The following TTC29 variants were observed in gnomAD, a reference collection of about 807,000 sequenced individuals.
TTC29 encodes the protein tetratricopeptide repeat domain 29, also known as tetratricopeptide repeat protein 29.
Under a neutral mutation model 58.1 loss-of-function variants are expected in TTC29, and 49 were observed. The ratio of observed to expected loss-of-function variants is 0.84; its 90% CI spans 0.67 to 1.07. The LOEUF is 1.07. Among genes scored for constraint, TTC29 ranks in the 50% least tolerant of loss-of-function variants. The pLI, the probability that TTC29 is intolerant of heterozygous loss-of-function variation, is 0.00. For missense variants in TTC29, 582 were observed against 555.6 expected (o/e 1.05, Z -0.48); for synonymous variants, 209 against 196.8 (o/e 1.06, Z -0.52).
chr4:146,788,940 G>A (rs114769269), intron 11 of TTC29, among the ~76,000 whole-genome samples: 2,087 of 152,180 alleles, frequency 0.014, 22 homozygotes, highest in Middle Eastern at 0.034. Flanking sequence ...AGAGTTTGAG[G>A]AACTTTTGAA....
chr4:146,849,994 C>T (rs1043108276), intron 8 of TTC29, among the ~76,000 whole-genome samples: 1 of 152,164 alleles, frequency 6.6e-6, no homozygotes, highest in Non-Finnish European at 1.5e-5. Context: ...TTTTGTTGTA[C>T]TTTTTCCCAT....
At chr4:146,728,306 A>AG (rs1435525590) in intron 11 of TTC29, among the ~76,000 whole-genome samples, 3 of 151,872 alleles carry the variant, frequency 2.0e-5, no homozygotes, top group Admixed American at 2.0e-4. Context: ...AAAAAAAAAA[A>AG]AGATTCCACG....
At chr4:146,711,455 C>G (rs1742487066) in intron 11 of TTC29, among the ~76,000 whole-genome samples, 1 of 152,086 alleles carries the variant, frequency 6.6e-6, no homozygotes, top group African/African-American at 2.4e-5. Context: ...GGCTATTATT[C>G]CATTAGCTAC....
intron 11 of TTC29, among the ~76,000 whole-genome samples, chr4:146,737,007 T>C (rs938204593): frequency 6.6e-6 from 1 of 152,140 alleles, no homozygotes; most frequent in African/African-American, 2.4e-5. Context: ...AGTTCCAAGG[T>C]AAATGGACAA....
intron 8 of TTC29, among the ~76,000 whole-genome samples, chr4:146,855,197 C>G (rs1729762276): frequency 6.6e-6 from 1 of 151,896 alleles, no homozygotes; most frequent in South Asian, 2.1e-4. Flanking sequence ...CTTTGGGAGA[C>G]TGAGGCAGGT....
intron 4 of TTC29, among the ~76,000 whole-genome samples, chr4:146,918,128 A>C (rs1381110319): frequency 6.6e-6 from 1 of 151,024 alleles, no homozygotes; most frequent in African/African-American, 2.4e-5. Context: ...TTACATATGC[A>C]AGTTTTGCTT....
At chr4:146,889,768 A>G in intron 6 of TTC29, among the ~76,000 whole-genome samples, 1 of 152,136 alleles carries the variant, frequency 6.6e-6, no homozygotes, top group Non-Finnish European at 1.5e-5. Context: ...GAATATTGTG[A>G]TAATCAACCT....
At chr4:146,784,857 T>G (rs994058052) in intron 11 of TTC29, among the ~76,000 whole-genome samples, 1 of 152,202 alleles carries the variant, frequency 6.6e-6, no homozygotes, top group African/African-American at 2.4e-5. Context: ...TGAGGATCTG[T>G]TTCATCATTA....
At chr4:146,885,903 A>T (rs1013323498) in intron 6 of TTC29, among the ~76,000 whole-genome samples, 1 of 152,048 alleles carries the variant, frequency 6.6e-6, no homozygotes, top group Non-Finnish European at 1.5e-5. Flanking sequence ...CTTTATAATC[A>T]TTCAATTTGA....
At chr4:146,753,205 G>GA (rs1298394688) in intron 11 of TTC29, among the ~76,000 whole-genome samples, 8 of 151,796 alleles carry the variant, frequency 5.3e-5, no homozygotes, top group African/African-American at 1.9e-4. Context: ...AAATTTACAA[G>GA]AAAAAAACAA....
At chr4:146,876,743 T>C (rs1303892058) in intron 6 of TTC29, among the ~76,000 whole-genome samples, 1 of 151,982 alleles carries the variant, frequency 6.6e-6, no homozygotes, top group East Asian at 1.9e-4. Context: ...AAGACCAGCC[T>C]GGCCAACATG....
intron 8 of TTC29, among the ~76,000 whole-genome samples, chr4:146,836,404 CA>C (rs1728512308): frequency 6.6e-6 from 1 of 152,064 alleles, no homozygotes; most frequent in South Asian, 2.1e-4. Flanking sequence ...GAGGGTCTTG[CA>C]AAGGAGCTGC....
chr4:146,905,445 G>T (rs1733459528), intron 5 of TTC29, among the ~76,000 whole-genome samples: 1 of 150,144 alleles, frequency 6.7e-6, no homozygotes, highest in Non-Finnish European at 1.5e-5. Context: ...TTTTAGGAAT[G>T]AGTTAGATAA....
At chr4:146,763,994 T>A (rs1747102421) in intron 11 of TTC29, 1 of 152,076 alleles carries the variant, frequency 6.6e-6, no homozygotes, top group Non-Finnish European at 1.5e-5. Context: ...TGCACCTACC[T>A]CACTCAATTC....
intron 6 of TTC29, among the ~76,000 whole-genome samples, chr4:146,901,679 C>T (rs553609937): frequency 7.2e-5 from 11 of 152,308 alleles, no homozygotes; most frequent in Non-Finnish European, 1.6e-4. Flanking sequence ...CCCCTTTCTT[C>T]GGATTTTCAC....
chr4:146,788,132 A>G (rs1258962367), intron 11 of TTC29, among the ~76,000 whole-genome samples: 3 of 152,184 alleles, frequency 2.0e-5, no homozygotes, highest in Non-Finnish European at 4.4e-5. Flanking sequence ...ACAGCCTTTC[A>G]CCACATAGCA....
chr4:146,849,098 G>A (rs1729357399), intron 8 of TTC29, among the ~76,000 whole-genome samples: 1 of 152,046 alleles, frequency 6.6e-6, no homozygotes, highest in South Asian at 2.1e-4. Context: ...TCTCACCCTT[G>A]AGCCCCAGTC....
chr4:146,737,181 T>C (rs1744765090), intron 11 of TTC29, among the ~76,000 whole-genome samples: 1 of 152,150 alleles, frequency 6.6e-6, no homozygotes, highest in Non-Finnish European at 1.5e-5. Flanking sequence ...GCCTGGCCAT[T>C]AGCTCAGGCA....
chr4:146,787,491 T>C (rs1288729537), intron 11 of TTC29, among the ~76,000 whole-genome samples: 2 of 152,204 alleles, frequency 1.3e-5, no homozygotes, highest in South Asian at 2.1e-4. Context: ...ATTTACATAG[T>C]TGTTTGCTAT....
Sources: gnomAD v4.1 joint callset for allele counts (sites outside exome capture counted in the v4.1 genomes callset) on GRCh38, gnomAD v4.1.1 for gene constraint, MANE v1.5 for transcripts, NCBI Gene and HGNC (gene_info 2026-07-23, HGNC 2026-07-21) for gene names.